SLFN12L: variants seen among roughly 807,000 people sequenced by gnomAD.
SLFN12L encodes schlafen family member 12 like, also known as schlafen family member 12-like.
A neutral mutation model predicts 34.8 loss-of-function variants in SLFN12L; 34 were observed. The observed-to-expected ratio is 0.98, with a 90% confidence interval of 0.74 to 1.30. The LOEUF is 1.30. SLFN12L is among the 50% of genes most tolerant of loss of function. The pLI is 0.00. For synonymous variants in SLFN12L, 259 were observed against 247.5 expected (o/e 1.05, Z -0.44); for missense variants, 703 against 696.2 (o/e 1.01, Z -0.11).
chr17:35,535,740 C>G (rs922744104), intron 1 of SLFN12L, among the ~76,000 whole-genome samples: 7 of 152,080 alleles, frequency 4.6e-5, no homozygotes, highest in African/African-American at 1.7e-4. Context: ...ACCGCACCCT[C>G]CACCTCCTGG....
intron 2 of SLFN12L, among the ~76,000 whole-genome samples, chr17:35,482,198 C>T (rs1470837391): frequency 1.3e-5 from 2 of 152,246 alleles, no homozygotes; most frequent in Non-Finnish European, 2.9e-5. Flanking sequence ...AACACCTGTG[C>T]TCTACCTTGA....
intron 2 of SLFN12L, among the ~76,000 whole-genome samples, chr17:35,510,994 C>T (rs1451926592): frequency 6.6e-6 from 1 of 151,958 alleles, no homozygotes; most frequent in African/African-American, 2.4e-5. Flanking sequence ...AGAGAAATGG[C>T]GTATATTAGA....
rs949679015 is a variant in SLFN12L at position 35,495,904 on chromosome 17, CACA to C, written c.87-15712_87-15710del. Among the ~76,000 whole-genome samples the C allele has an allele frequency of 1.8e-3, 25 of 14,210 alleles. 1 individual carries two copies. The South Asian group carries it at 0.044, about 25-fold the overall frequency. The allele number at this position is 14,210 out of a possible 152,430, so 9.3% of individuals were successfully genotyped here. A position where few individuals can be genotyped will look rare whatever the true frequency, so the allele number is the denominator to read the frequency against. ...AGCTGGAGAAAGCCGATTTGAAACA[CACA>C]CACACACACACACACACACACACAC... On this transcript the variant is annotated intron_variant, in intron 2 of 4. Transcript: ENST00000628453.
chr17:35,531,398 C>T (rs1461216918), intron 1 of SLFN12L, among the ~76,000 whole-genome samples: 2 of 152,114 alleles, frequency 1.3e-5, no homozygotes, highest in African/African-American at 2.4e-5. Context: ...ATGTCTGATA[C>T]GTGCCTTGTA....
At chr17:35,487,858 G>A in intron 2 of SLFN12L, 1 of 1,094,168 alleles carries the variant, frequency 9.1e-7, no homozygotes, top group Non-Finnish European at 1.3e-6. Flanking sequence ...TCGACTCCCC[G>A]GAAGTGGTGG....
rs142232927 is a variant in SLFN12L at position 35,511,504 on chromosome 17, C to T, written c.86+10775G>A. On this transcript the variant is annotated intron_variant, in intron 2 of 4. Coordinates refer to ENST00000628453, the MANE Select transcript of SLFN12L (RefSeq NM_001363830.2). ...GAAAAGCATCACTTTGGGAGGCTGA[C>T]GCAGGAGGATCCCTTAAGCCCAGGA... Among the ~76,000 whole-genome samples, 513 of 152,178 alleles carry T rather than the reference C, an allele frequency of 3.4e-3. 1 individual carries two copies. Among genetic ancestry groups the T allele is most frequent in the African/African-American group, 8.4e-3 (350 of 41,492 alleles).
intron 2 of SLFN12L, chr17:35,500,460 T>C (rs1314386868): frequency 6.6e-6 from 1 of 152,390 alleles, no homozygotes; most frequent in Non-Finnish European, 1.5e-5. Flanking sequence ...CCAGGCGCAG[T>C]GGCTCACGCC....
intron 2 of SLFN12L, chr17:35,515,118 G>A (rs563850820): frequency 7.0e-5 from 44 of 628,498 alleles, no homozygotes; most frequent in Non-Finnish European, 1.0e-4. Context: ...TTTTGCGGTC[G>A]AAGTAGATGC....
At chr17:35,490,144 G>T (rs996082658) in intron 2 of SLFN12L, 39 of 1,606,210 alleles carry the variant, frequency 2.4e-5, no homozygotes, top group Non-Finnish European at 3.1e-5. Flanking sequence ...ACACCACGCC[G>T]CAGGGACCCT....
chr17:35,485,741 A>G (rs1419905401), intron 2 of SLFN12L, among the ~76,000 whole-genome samples: 1 of 152,202 alleles, frequency 6.6e-6, no homozygotes, highest in Non-Finnish European at 1.5e-5. Flanking sequence ...TTAGCTATTT[A>G]TTGAATAGGG....
At position 35,468,746 on chromosome 17, in the gene SLFN12L, A is replaced by T. The variant is rs1378679799; in HGVS notation, c.*6177T>A. 6.6e-6 allele frequency among the ~76,000 whole-genome samples: 1 copy of T among 152,182 alleles called. No individual in the cohort carries two copies. Among genetic ancestry groups the T allele is most frequent in the Non-Finnish European group, 1.5e-5 (1 of 68,030 alleles). ...TCTAAGAATTAATGGAGGGCCAAGC[A>T]CAGTGACTCATGCCTATAATTCCAG... On this transcript the variant is annotated 3_prime_UTR_variant, in exon 5 of 5. Coordinates refer to ENST00000628453, the MANE Select transcript of SLFN12L (RefSeq NM_001363830.2).
chr17:35,506,230 T>A (rs971670625), intron 2 of SLFN12L, among the ~76,000 whole-genome samples: 2 of 152,204 alleles, frequency 1.3e-5, no homozygotes, highest in Non-Finnish European at 2.9e-5. Flanking sequence ...ATGCCTGTGC[T>A]GTCATTAATA....
At chr17:35,498,949 G>A in intron 2 of SLFN12L, 4 of 718,354 alleles carry the variant, frequency 5.6e-6, no homozygotes, top group Non-Finnish European at 1.0e-5. Flanking sequence ...TTACAGGAGC[G>A]CATTAAGCAA....
intron 2 of SLFN12L, among the ~76,000 whole-genome samples, chr17:35,494,419 T>A (rs1380335382): frequency 1.3e-5 from 2 of 152,198 alleles, no homozygotes; most frequent in African/African-American, 2.4e-5. Context: ...AGATTATTTA[T>A]AAAATAAAAA....
intron 1 of SLFN12L, among the ~76,000 whole-genome samples, chr17:35,531,328 G>C (rs1215482273): frequency 6.6e-6 from 1 of 152,118 alleles, no homozygotes; most frequent in African/African-American, 2.4e-5. Flanking sequence ...GTGTGAAAAG[G>C]AAATAGACTT....
At chr17:35,510,547 G>A (rs1186841542) in intron 2 of SLFN12L, among the ~76,000 whole-genome samples, 6 of 152,152 alleles carry the variant, frequency 3.9e-5, no homozygotes, top group African/African-American at 9.7e-5. Flanking sequence ...ATCCAGATAG[G>A]CACGTCCATA....
chr17:35,483,828 T>A (rs1038507322), intron 2 of SLFN12L, among the ~76,000 whole-genome samples: 3 of 152,186 alleles, frequency 2.0e-5, no homozygotes, highest in African/African-American at 7.2e-5. Context: ...AATATTCCTG[T>A]CCACTGCTAG....
At chr17:35,515,680 G>C (rs927526565) in intron 2 of SLFN12L, among the ~76,000 whole-genome samples, 1 of 80,578 alleles carries the variant, frequency 1.2e-5, no homozygotes, top group Non-Finnish European at 2.3e-5. Flanking sequence ...TTTGCTCTTT[G>C]TTGCCCAGGC....
Position 35,464,331 on chromosome 17 carries a change from T to C in SLFN12L, c.*10592A>G, listed in dbSNP as rs1260338104. ...GGCTCATTACACAGGTAAACATGTG[T>C]CATGGGGTTTTGTTATACATATTAT... is the stretch of plus-strand genomic sequence containing the variant. On this transcript the variant is annotated 3_prime_UTR_variant, in exon 5 of 5. Transcript: ENST00000628453. 1.3e-5 allele frequency: 2 copies of C among 152,222 alleles called. No individual in the cohort carries two copies. The highest frequency in any genetic ancestry group is 2.4e-5 in the African/African-American group (1 of 41,448). 9.4% of individuals were successfully genotyped at this position (152,222 alleles called of 1,614,324 possible).
Sources: allele counts gnomAD v4.1 joint callset (sites outside exome capture counted in the v4.1 genomes callset), GRCh38; gene constraint gnomAD v4.1.1; transcripts MANE v1.5; gene names NCBI Gene and HGNC (gene_info 2026-07-23, HGNC 2026-07-21).